The following RGS3 variants were observed in gnomAD, a reference collection of about 807,000 sequenced individuals.
The protein encoded by RGS3 is regulator of G protein signaling 3, also known as regulator of G-protein signalling 3.
In RGS3, 80 loss-of-function variants were observed where a neutral mutation model predicts 132.6. The observed-to-expected ratio is 0.60, with a 90% CI of 0.50 to 0.73. The LOEUF (loss-of-function observed/expected upper bound fraction) is 0.73, where lower values mean the gene tolerates loss of function less well. RGS3 is among the 30% of genes least tolerant of loss of function. The pLI, the probability that RGS3 is intolerant of heterozygous loss-of-function variation, is 0.00. For missense variants in RGS3, 1,382 were observed against 1,530.8 expected, an observed-to-expected ratio of 0.90 and a Z score of 1.62; for synonymous variants, 598 against 620.6, an observed-to-expected ratio of 0.96 and a Z score of 0.54.
chr9:113,551,147 A>G (rs1448398590), intron 19 of RGS3, among the ~76,000 whole-genome samples: 1 of 152,172 alleles, frequency 6.6e-6, no homozygotes, highest in African/African-American at 2.4e-5. Context: ...CTCCAACCCT[A>G]AGCGACCACT....
Position 113,447,341 on chromosome 9 carries a change from A to G in RGS3, c.-13+2414A>G, listed in dbSNP as rs1042941063. Among the ~76,000 whole-genome samples, 431 of 99,606 alleles carry G rather than the reference A, an allele frequency of 4.3e-3. 50 individuals are homozygous for G. Among genetic ancestry groups the G allele is most frequent in the South Asian group, 0.018 (44 of 2,470 alleles). The allele number at this position is 99,606 out of a possible 152,430, so 65.3% of individuals were successfully genotyped here. On this transcript the variant is annotated intron_variant, in intron 1 of 25. Transcript: ENST00000374140. ...GATGTATGTATATGTATATATATATATATATATATATATATATATAGGCAA... is the reference window on the plus strand; with the variant it reads ...GATGTATGTATATGTATATATATATGTATATATATATATATATATAGGCAA...
chr9:113,569,800 A>AG (rs977273186), intron 19 of RGS3, among the ~76,000 whole-genome samples: 3 of 151,944 alleles, frequency 2.0e-5, no homozygotes, highest in African/African-American at 4.8e-5. Flanking sequence ...TGGGGTGGGG[A>AG]GGGGGGTGCT....
At chr9:113,534,814 A>G (rs964950497) in intron 18 of RGS3, among the ~76,000 whole-genome samples, 20 of 152,120 alleles carry the variant, frequency 1.3e-4, no homozygotes, top group Admixed American at 1.3e-3. Flanking sequence ...ACTGGGTCTC[A>G]CTGTGTTTCC....
chr9:113,511,233 C>T (rs535233128), intron 14 of RGS3, among the ~76,000 whole-genome samples: 1 of 152,302 alleles, frequency 6.6e-6, no homozygotes, highest in African/African-American at 2.4e-5. Context: ...CAGGGCTCGC[C>T]TCAGAATCTG....
intron 1 of RGS3, among the ~76,000 whole-genome samples, chr9:113,448,489 A>C (rs1467627597): frequency 6.6e-6 from 1 of 151,204 alleles, no homozygotes; most frequent in Non-Finnish European, 1.5e-5. Flanking sequence ...TTTTCTACTC[A>C]TTCTTTAGGT....
chr9:113,590,309 T>G (rs985718021), intron 20 of RGS3, among the ~76,000 whole-genome samples: 3 of 152,040 alleles, frequency 2.0e-5, no homozygotes, highest in Admixed American at 6.5e-5. Context: ...AATGAAGGTG[T>G]AATTCATCCA....
Position 113,537,207 on chromosome 9 carries a change from C to A in RGS3, c.2037+289C>A, listed in dbSNP as rs117317381. On this transcript the variant is annotated intron_variant, in intron 19 of 24. Transcript: ENST00000350696. This position sits in a 1 kb window ranked among gnomAD's most constrained non-coding sequence, Gnocchi z 4.3. ...GGTTTGCCTATGGCAAGGTTTAATT[C>A]GGGCTGGCCTCCCTGATGCTGCCTG... 1.3e-5 allele frequency among the ~76,000 whole-genome samples: 2 copies of A among 152,252 alleles called. No homozygotes were observed. Among genetic ancestry groups the A allele is most frequent in the African/African-American group, 2.4e-5 (1 of 41,462 alleles).
At chr9:113,498,881 C>T (rs1830772118) in intron 10 of RGS3, among the ~76,000 whole-genome samples, 1 of 143,338 alleles carries the variant, frequency 7.0e-6, no homozygotes, top group South Asian at 2.3e-4. Context: ...CATGCCACTG[C>T]ACTCCAGCCT....
intron 21 of RGS3, chr9:113,593,664 G>A: frequency 2.1e-6 from 1 of 486,968 alleles, no homozygotes; most frequent in Non-Finnish European, 3.6e-6. Context: ...TCTCTGGGAG[G>A]TGCCCTGTAC....
At chr9:113,594,250 G>C (rs767001420) in intron 21 of RGS3, 180 bp from the exon 20 acceptor site, 1 of 1,612,014 alleles carries the variant, frequency 6.2e-7, no homozygotes, top group Non-Finnish European at 8.5e-7. Flanking sequence ...ACCAATCTGC[G>C]GCCCCAAGGT....
chr9:113,494,414 A>G (rs1830619383), intron 7 of RGS3, among the ~76,000 whole-genome samples: 1 of 152,186 alleles, frequency 6.6e-6, no homozygotes, highest in Admixed American at 6.5e-5. Context: ...CAATATCAAG[A>G]TATTTTTGGA....
Position 113,483,110 on chromosome 9 carries a change from A to T in RGS3, c.518A>T (p.Tyr173Phe), listed in dbSNP as rs930873060. The T allele has an allele frequency of 6.2e-6, 10 of 1,607,162 alleles. No homozygotes were observed. In the South Asian group the frequency reaches 1.1e-4, roughly 18 times the overall value. The change falls in exon 5 of 25, where the codon TAT becomes TTT. Residue 173 changes from tyrosine to phenylalanine, a missense_variant. Physicochemically the swap from Tyr to Phe is conservative, Grantham distance 22 (BLOSUM62 3). Transcript: ENST00000350696. Reference sequence around the variant, plus strand: ...AAACAGCCTGGCACCTGTGATCCGTATGTGAAGGTATGTGGTGGGGCCGGA... The same window carrying T: ...AAACAGCCTGGCACCTGTGATCCGTTTGTGAAGGTATGTGGTGGGGCCGGA...
intron 19 of RGS3, among the ~76,000 whole-genome samples, chr9:113,546,809 C>T (rs564892680): frequency 1.8e-4 from 28 of 152,312 alleles, no homozygotes; most frequent in African/African-American, 4.6e-4. Context: ...CTGTAGGTTG[C>T]GGGGCTCACC....
intron 19 of RGS3, among the ~76,000 whole-genome samples, chr9:113,571,320 C>T (rs78997808): frequency 0.011 from 1,709 of 152,270 alleles, 10 homozygotes; most frequent in Admixed American, 0.021. Context: ...TAGTAAATAC[C>T]ATGATATTAT....
exon 9 of RGS3, chr9:113,497,341 G>C (rs1830720657): frequency 1.2e-6 from 2 of 1,613,364 alleles, no homozygotes; most frequent in South Asian, 2.2e-5. Context: ...CTACCTCCTA[G>C]GGGAGCACCT....
intron 3 of RGS3, among the ~76,000 whole-genome samples, chr9:113,472,307 G>A (rs10217756): frequency 0.14 from 21,789 of 152,146 alleles, 1,715 homozygotes; most frequent in African/African-American, 0.2. Context: ...ACACAAACAT[G>A]TGTACACACA....
upstream of RGS3, among the ~76,000 whole-genome samples, chr9:113,457,552 C>T (rs1829390798): frequency 6.6e-6 from 1 of 152,148 alleles, no homozygotes; most frequent in African/African-American, 2.4e-5. Context: ...TGTCAGTAGC[C>T]ACAGAAGTCT....
At position 113,465,479 on chromosome 9, in the gene RGS3, GTGCC is replaced by G. The variant is rs1409945817; in HGVS notation, c.415+3281_415+3284del. ...TGTGTGTGTGTGTGTGTGTGTGTGT[GTGCC>G]TGTGTGTATTTAGGGGTCAAATTTC... On this transcript the variant is annotated intron_variant, in intron 3 of 24. Coordinates refer to ENST00000350696, the Ensembl canonical transcript of RGS3. Among the ~76,000 whole-genome samples the G allele has an allele frequency of 6.0e-4, 91 of 151,580 alleles. 1 individual carries two copies. The highest frequency in any genetic ancestry group is 2.2e-3 in the African/African-American group (89 of 41,248).
intron 20 of RGS3, among the ~76,000 whole-genome samples, chr9:113,585,027 C>T (rs933682760): frequency 3.3e-5 from 5 of 152,214 alleles, no homozygotes; most frequent in African/African-American, 9.7e-5. Context: ...AACCACCACA[C>T]CGTTTGCCTC....
Sources: gnomAD v4.1 joint callset for allele counts (sites outside exome capture counted in the v4.1 genomes callset) on GRCh38, gnomAD v4.1.1 for gene constraint, Gnocchi (gnomAD v3.1) non-coding constraint, MANE v1.5 for transcripts, NCBI Gene and HGNC (gene_info 2026-07-23, HGNC 2026-07-21) for gene names.